GOLIM4: variants seen among roughly 807,000 people sequenced by gnomAD.
GOLIM4 encodes the protein 130 kDa golgi-localized phosphoprotein.
Under a neutral mutation model 107.4 loss-of-function variants are expected in GOLIM4, and 71 were observed. The observed-to-expected ratio is 0.66, with a 90% CI of 0.55 to 0.81. The LOEUF is 0.81. Among genes scored for constraint, GOLIM4 ranks in the 30% least tolerant of loss-of-function variants. The pLI, the probability that GOLIM4 is intolerant of heterozygous loss-of-function variation, is 0.00. For synonymous variants in GOLIM4, 327 were observed against 294.8 expected (o/e 1.11, Z -1.12); for missense variants, 830 against 826.1 (o/e 1.00, Z -0.06).
chr3:168,025,467 T>C (rs1333657512), intron 12 of GOLIM4, among the ~76,000 whole-genome samples: 4 of 152,202 alleles, frequency 2.6e-5, no homozygotes, highest in Admixed American at 2.6e-4. Context: ...GGGATTTAGA[T>C]GGGCAATTAA....
chr3:168,072,096 C>G (rs1336080923), intron 1 of GOLIM4, among the ~76,000 whole-genome samples: 1 of 152,170 alleles, frequency 6.6e-6, no homozygotes, highest in Non-Finnish European at 1.5e-5. Flanking sequence ...ACGTGGATCA[C>G]GCCCCAAATT....
intron 14 of GOLIM4, among the ~76,000 whole-genome samples, chr3:168,021,260 G>T (rs1717662873): frequency 6.6e-6 from 1 of 152,118 alleles, no homozygotes; most frequent in African/African-American, 2.4e-5. Context: ...CCTCAAGTAG[G>T]TAAGAACAGT....
At chr3:168,025,690 A>T (rs1227736641) in intron 12 of GOLIM4, among the ~76,000 whole-genome samples, 1 of 152,198 alleles carries the variant, frequency 6.6e-6, no homozygotes, top group African/African-American at 2.4e-5. Context: ...CATTCCCATG[A>T]AACAGAGAGA....
chr3:168,044,740 T>G, intron 4 of GOLIM4, 88 bp downstream of exon 4: 1 of 750,714 alleles, frequency 1.3e-6, no homozygotes, highest in Non-Finnish European at 2.2e-6. Flanking sequence ...TCTGTAAACT[T>G]TCTTTAATCA....
chr3:168,037,084 T>C, intron 7 of GOLIM4, 90 bp from the exon 8 acceptor site: 1 of 543,130 alleles, frequency 1.8e-6, no homozygotes, highest in Non-Finnish European at 3.2e-6. Flanking sequence ...TAGACAAAAA[T>C]ATTGTACCTA....
chr3:168,047,142 T>G (rs913916260), intron 2 of GOLIM4, 143 bp from the exon 3 acceptor site: 4 of 472,704 alleles, frequency 8.5e-6, no homozygotes, highest in African/African-American at 6.2e-5. Flanking sequence ...CATACTTTAT[T>G]TTGGCTCTCA....
chr3:168,026,252 C>T (rs1457646669), intron 12 of GOLIM4, among the ~76,000 whole-genome samples: 5 of 152,028 alleles, frequency 3.3e-5, no homozygotes, highest in Admixed American at 2.0e-4. Flanking sequence ...ACTCCACAAT[C>T]TCTTGTCATA....
chr3:168,080,711 AGTC>A (rs1252956334), intron 1 of GOLIM4, among the ~76,000 whole-genome samples: 4 of 152,216 alleles, frequency 2.6e-5, no homozygotes, highest in African/African-American at 9.7e-5. Flanking sequence ...ATAGGCAGCA[AGTC>A]ACTCACCTGA....
At chr3:168,080,565 T>C (rs1721304431) in intron 1 of GOLIM4, among the ~76,000 whole-genome samples, 1 of 152,178 alleles carries the variant, frequency 6.6e-6, no homozygotes, top group African/African-American at 2.4e-5. Context: ...ACTTTCTTCA[T>C]TGATAAACTA....
intron 8 of GOLIM4, among the ~76,000 whole-genome samples, chr3:168,034,893 C>T (rs1474166595): frequency 1.3e-5 from 2 of 152,228 alleles, no homozygotes; most frequent in African/African-American, 4.8e-5. Context: ...TGGCCTTCCA[C>T]CATGATTGTG....
chr3:168,055,527 G>C (rs960298777), intron 1 of GOLIM4, among the ~76,000 whole-genome samples: 1 of 151,992 alleles, frequency 6.6e-6, no homozygotes, highest in Non-Finnish European at 1.5e-5. Flanking sequence ...GGCCGGGCGC[G>C]GTGGCTCACG....
chr3:168,032,524 G>T lies in GOLIM4; in HGVS notation c.1172C>A (p.Ala391Asp). Residue 391 changes from alanine to aspartate, a missense_variant, in exon 9 of 16, where the codon GCT becomes GAT. Transcript: ENST00000470487. ...CAGAAGCGGGTGACTTCATACCTCA[G>T]CACGCGCGTGCCCTTCCAGGAGGTT... The part of the protein sequence containing the change: ...AANLLEGHAR[A>D]EVYPSAKPMI... 5 of 1,612,644 alleles carry T rather than the reference G, an allele frequency of 3.1e-6. No homozygotes were observed. Among genetic ancestry groups the T allele is most frequent in the Non-Finnish European group, 4.2e-6 (5 of 1,178,754 alleles).
At chr3:168,039,813 G>T (rs1405970357) in intron 7 of GOLIM4, among the ~76,000 whole-genome samples, 1 of 152,116 alleles carries the variant, frequency 6.6e-6, no homozygotes, top group African/African-American at 2.4e-5. Context: ...GACGTGAAAT[G>T]AAATGATCCC....
chr3:168,011,884 A>T (rs1305813301), intron 14 of GOLIM4, among the ~76,000 whole-genome samples: 1 of 139,674 alleles, frequency 7.2e-6, no homozygotes, highest in Non-Finnish European at 1.5e-5. Flanking sequence ...CACACCAAAA[A>T]CCCATCTGTA....
chr3:168,027,215 C>A (rs1718041777), intron 12 of GOLIM4, among the ~76,000 whole-genome samples: 1 of 152,176 alleles, frequency 6.6e-6, no homozygotes, highest in Non-Finnish European at 1.5e-5. Flanking sequence ...AACAACTCTT[C>A]ATGTCTCAGA....
At chr3:168,086,311 T>G (rs1375349267) in intron 1 of GOLIM4, among the ~76,000 whole-genome samples, 1 of 152,122 alleles carries the variant, frequency 6.6e-6, no homozygotes, top group African/African-American at 2.4e-5. Context: ...ACTGCCAAAT[T>G]TTAATCTGTT....
intron 8 of GOLIM4, among the ~76,000 whole-genome samples, chr3:168,036,198 CAAAT>C (rs1268898171): frequency 2.0e-5 from 3 of 152,196 alleles, no homozygotes; most frequent in Non-Finnish European, 2.9e-5. Context: ...TCCTTGAAGA[CAAAT>C]AAACCTACAT....
chr3:168,021,712 G>A (rs1247039609), intron 14 of GOLIM4, among the ~76,000 whole-genome samples: 3 of 151,928 alleles, frequency 2.0e-5, no homozygotes, highest in Non-Finnish European at 4.4e-5. Context: ...TTCTTGACAC[G>A]GTGATTCACA....
chr3:168,053,645 T>C (rs1253707603), intron 1 of GOLIM4, among the ~76,000 whole-genome samples: 1 of 152,224 alleles, frequency 6.6e-6, no homozygotes, highest in East Asian at 1.9e-4. Flanking sequence ...AGGGTTTCTT[T>C]GGGGCTAATG....
Sources: allele counts gnomAD v4.1 joint callset (sites outside exome capture counted in the v4.1 genomes callset), GRCh38; gene constraint gnomAD v4.1.1; transcripts MANE v1.5; gene names NCBI Gene and HGNC (gene_info 2026-07-23, HGNC 2026-07-21).